HERC3: variants seen among roughly 807,000 people sequenced by gnomAD.
HERC3 encodes the protein probable E3 ubiquitin-protein ligase HERC3.
HERC3 carries 58 observed loss-of-function variants against 129.9 expected under a neutral mutation model. The ratio of observed to expected loss-of-function variants is 0.45; its 90% CI spans 0.36 to 0.56. HERC3 has a LOEUF of 0.56. HERC3 is among the 20% of genes least tolerant of loss of function. The pLI is 0.00. For missense variants in HERC3, 835 were observed against 1,244.2 expected, an observed-to-expected ratio of 0.67 and a Z score of 4.95; for synonymous variants, 430 against 451.0, an observed-to-expected ratio of 0.95 and a Z score of 0.59.
chr4:88,692,590 A>G (rs1244020518), intron 23 of HERC3, among the ~76,000 whole-genome samples: 9 of 152,216 alleles, frequency 5.9e-5, no homozygotes, highest in Admixed American at 5.2e-4. Flanking sequence ...TCTGCATTGT[A>G]TTTGCACTGG....
chr4:88,548,225 G>C, the HERC3 span, among the ~76,000 whole-genome samples: 1 of 152,170 alleles, frequency 6.6e-6, no homozygotes, highest in Non-Finnish European at 1.5e-5. Flanking sequence ...CCTAGGATTA[G>C]AATTGGTGGC....
Position 88,664,177 on chromosome 4 carries a change from T to C in HERC3, c.1296T>C (p.Ser432=). ...GTGGTGTTGTTCAGATATTATCTTC[T>C]GCAGCCTGTTGGAATGGAAGTTTTC... ...TINGVVQILS[S]AACWNGSFLE... is the part of the protein sequence containing the mutation. Residue 432 remains serine, a synonymous_variant, in exon 12 of 26, where the codon TCT becomes TCC. Transcript: ENST00000402738. The C allele has an allele frequency of 1.9e-6, 3 of 1,613,490 alleles. No individual in the cohort carries two copies. The highest frequency in any genetic ancestry group is 2.2e-5 in the East Asian group (1 of 44,858).
rs1732744424 is a variant in HERC3 at position 88,681,257 on chromosome 4, C to T, written c.2439C>T (p.Leu813=). The change falls in exon 21 of 26, where the codon CTC becomes CTT. Residue 813 remains leucine (L), a synonymous_variant. Transcript: ENST00000402738. ...TVVDLHFPLA[L]YKKLLNVKPG... ...TCGATCTCCACTTCCCATTGGCTCT[C>T]TACAAGAAGTTACTCAATGTAAAGC... 1 of 1,614,030 alleles carries T rather than the reference C, an allele frequency of 6.2e-7. No individual in the cohort carries two copies. The highest frequency in any genetic ancestry group is 8.5e-7 in the Non-Finnish European group (1 of 1,179,930).
the HERC3 span, among the ~76,000 whole-genome samples, chr4:88,536,763 A>AG: frequency 9.0e-6 from 1 of 111,184 alleles, no homozygotes; most frequent in African/African-American, 6.7e-5. Flanking sequence ...AAGCACAATG[A>AG]ATTTTTTTTC....
chr4:88,605,341 G>A (rs899613538), intron 2 of HERC3, among the ~76,000 whole-genome samples: 1 of 151,908 alleles, frequency 6.6e-6, no homozygotes, highest in African/African-American at 2.4e-5. Context: ...CTAATATTAG[G>A]GTACCTAAAG....
At chr4:88,657,483 C>T (rs1311433749) in intron 9 of HERC3, 2 of 152,324 alleles carry the variant, frequency 1.3e-5, no homozygotes, top group East Asian at 3.9e-4. Flanking sequence ...TTCTCCAAGA[C>T]ATTGTACTCA....
At position 88,687,241 on chromosome 4, in the gene HERC3, A is replaced by G. The variant is rs745950229; in HGVS notation, c.2599A>G (p.Ile867Val). The G allele has an allele frequency of 1.2e-6, 2 of 1,612,694 alleles. No individual in the cohort carries two copies. The highest frequency in any genetic ancestry group is 8.5e-7 in the Non-Finnish European group (1 of 1,178,920). Residue 867 changes from isoleucine (I) to valine (V), a missense_variant, in exon 23 of 26, where the codon ATT becomes GTT. By Grantham distance (29) the Ile-to-Val change is conservative (BLOSUM62 3). Transcript: ENST00000402738. Reference sequence around the variant, plus strand: ...GATCTGCCGAGAAAGCTATGGAGTGATTGAACAGAAGAAGCTGATACCTGG... The same window carrying G: ...GATCTGCCGAGAAAGCTATGGAGTGGTTGAACAGAAGAAGCTGATACCTGG... ...FTICRESYGV[I>V]EQKKLIPGGD...
upstream of HERC3, among the ~76,000 whole-genome samples, chr4:88,592,017 A>T (rs1214424385): frequency 1.3e-5 from 2 of 151,972 alleles, no homozygotes; most frequent in Non-Finnish European, 2.9e-5. Flanking sequence ...CAGTCCTACG[A>T]AGGGGAGTAA....
At chr4:88,649,774 G>A (rs1729077063) in intron 3 of HERC3, 66 bp from the exon 4 acceptor site, 3 of 1,361,820 alleles carry the variant, frequency 2.2e-6, no homozygotes, top group Non-Finnish European at 3.1e-6. Flanking sequence ...AGATAATCCT[G>A]TGTAATGGTA....
chr4:88,644,419 C>T lies in HERC3; in HGVS notation c.227-5421C>T, dbSNP rs73844052. Among the ~76,000 whole-genome samples the T allele has an allele frequency of 7.6e-3, 1,157 of 152,212 alleles. 12 individuals carry two copies. Among genetic ancestry groups the T allele is most frequent in the African/African-American group, 0.027 (1,120 of 41,520 alleles). ...TCATCCATTATACAGTGGAATACTC[C>T]TTACCAATAAAAGGAACAAACTGTT... On this transcript the variant is annotated intron_variant, in intron 3 of 25. Coordinates refer to ENST00000402738, the MANE Select transcript of HERC3 (RefSeq NM_014606.3).
chr4:88,544,620 G>A, the HERC3 span, among the ~76,000 whole-genome samples: 7 of 152,136 alleles, frequency 4.6e-5, no homozygotes, highest in South Asian at 2.1e-4. Context: ...ACGTGCACAC[G>A]TATGTTTATT....
At chr4:88,574,819 A>G in the HERC3 span, among the ~76,000 whole-genome samples, 1 of 152,316 alleles carries the variant, frequency 6.6e-6, no homozygotes, top group East Asian at 1.9e-4. Context: ...TCAACCGCTG[A>G]TAGACCCAAG....
intron 25 of HERC3, among the ~76,000 whole-genome samples, chr4:88,705,005 C>A (rs1282841722): frequency 6.6e-6 from 1 of 151,880 alleles, no homozygotes; most frequent in Non-Finnish European, 1.5e-5. Context: ...GGACTACAGG[C>A]ACCTGCCACC....
chr4:88,618,053 G>A (rs1296879566), intron 3 of HERC3, among the ~76,000 whole-genome samples: 1 of 152,200 alleles, frequency 6.6e-6, no homozygotes, highest in Middle Eastern at 3.2e-3. Context: ...AGAAAGGAAC[G>A]ATAGGAAAAT....
At position 88,607,120 on chromosome 4, in the gene HERC3, A is replaced by C. The variant is rs180952497; in HGVS notation, c.226+1071A>C. Among the ~76,000 whole-genome samples the C allele has an allele frequency of 2.6e-5, 4 of 152,112 alleles. No homozygotes were observed. The East Asian group carries it at 7.7e-4, about 29-fold the overall frequency. On this transcript the variant is annotated intron_variant, in intron 3 of 25. Coordinates refer to ENST00000402738, the MANE Select transcript of HERC3 (RefSeq NM_014606.3). ...TTATGTAAGTTGAAGAGTACACCAGAGGTGTAGGGGAGGGGAGATTGGTTC... is the reference window on the plus strand; with the variant it reads ...TTATGTAAGTTGAAGAGTACACCAGCGGTGTAGGGGAGGGGAGATTGGTTC...
the HERC3 span, among the ~76,000 whole-genome samples, chr4:88,581,306 TA>T: frequency 5.5e-4 from 82 of 149,888 alleles, no homozygotes; most frequent in African/African-American, 1.6e-3. Flanking sequence ...TTATTATTAT[TA>T]TTTTTTTTTT....
Position 88,676,229 on chromosome 4 carries a change from A to G in HERC3, c.1923A>G (p.Pro641=). Reference sequence around the variant, plus strand: ...TTTTCTTTACACAGAAGGCTAGACCATCAATAATACAGGTAAATGATCCTT... The same window carrying G: ...TTTTCTTTACACAGAAGGCTAGACCGTCAATAATACAGGTAAATGATCCTT... The part of the protein sequence containing the change: ...FLHQAGMKAR[P]SIIQDTVTLC... The change falls in exon 17 of 26, where the codon CCA becomes CCG. Residue 641 remains proline (P), a synonymous_variant. Transcript: ENST00000402738. 1.9e-6 allele frequency: 3 copies of G among 1,570,548 alleles called. No homozygotes were observed. The highest frequency in any genetic ancestry group is 1.8e-6 in the Non-Finnish European group (2 of 1,141,038).
the HERC3 span, among the ~76,000 whole-genome samples, chr4:88,564,282 TCAA>T: frequency 1.3e-5 from 2 of 152,240 alleles, no homozygotes; most frequent in African/African-American, 2.4e-5. Context: ...GGTTTTAGTA[TCAA>T]GGTAATACTG....
intron 23 of HERC3, among the ~76,000 whole-genome samples, chr4:88,692,392 A>G (rs992221327): frequency 4.6e-5 from 7 of 152,138 alleles, no homozygotes; most frequent in Admixed American, 2.0e-4. Context: ...TAGAGTAAAG[A>G]GATCACATAG....
Sources: gnomAD v4.1 joint callset for allele counts (sites outside exome capture counted in the v4.1 genomes callset) on GRCh38, gnomAD v4.1.1 for gene constraint, MANE v1.5 for transcripts, NCBI Gene and HGNC (gene_info 2026-07-23, HGNC 2026-07-21) for gene names.